GRK5: variants seen among roughly 807,000 people sequenced by gnomAD.
The protein encoded by GRK5 is g protein-coupled receptor kinase GRK5.
Under a neutral mutation model 78.4 loss-of-function variants are expected in GRK5, and 40 were observed. The ratio of observed to expected loss-of-function variants is 0.51; its 90% CI spans 0.40 to 0.66. GRK5 has a LOEUF of 0.66. GRK5 is among the 30% of genes least tolerant of loss of function. GRK5 has a pLI of 0.00. For missense variants in GRK5, 598 were observed against 759.9 expected (o/e 0.79, Z 2.50); for synonymous variants, 289 against 296.8 (o/e 0.97, Z 0.27).
At chr10:119,384,126 G>A (rs946610830) in intron 3 of GRK5, among the ~76,000 whole-genome samples, 16 of 152,090 alleles carry the variant, frequency 1.1e-4, no homozygotes, top group African/African-American at 3.6e-4. Flanking sequence ...TTTCTGACTT[G>A]CCAGGACAGT....
chr10:119,397,712 C>T (rs917162888), intron 4 of GRK5, among the ~76,000 whole-genome samples: 1 of 152,238 alleles, frequency 6.6e-6, no homozygotes. Flanking sequence ...TCCCCTCAAC[C>T]TCCTGCACCT....
rs781403821 is a variant in GRK5, at chr10:119,271,742, G to A, written c.53-54774G>A. ...GGTTGGTGACGAGGTTTAGCAGCAG[G>A]TGGACTCTGGAGCGTGACTCTGGAG... On this transcript the variant is annotated intron_variant, in intron 1 of 15. Transcript: ENST00000392870. The surrounding 1 kb of genome is among the most constrained non-coding windows in gnomAD (Gnocchi z 4.1). 4.6e-5 allele frequency among the ~76,000 whole-genome samples: 7 copies of A among 152,232 alleles called. No individual in the cohort carries two copies. Among genetic ancestry groups the A allele is most frequent in the Non-Finnish European group, 7.3e-5 (5 of 68,046 alleles).
chr10:119,428,703 T>C (rs550239988), intron 6 of GRK5, among the ~76,000 whole-genome samples: 5 of 152,284 alleles, frequency 3.3e-5, no homozygotes, highest in African/African-American at 1.2e-4. Context: ...ATGGAGAAAT[T>C]ATCCTTTTTA....
chr10:119,389,761 T>A (rs1056666800), intron 3 of GRK5, among the ~76,000 whole-genome samples: 1 of 151,704 alleles, frequency 6.6e-6, no homozygotes, highest in African/African-American at 2.4e-5. Context: ...CCATGTTTCC[T>A]ACACTGGAAC....
At chr10:119,358,890 C>A (rs1226861450) in intron 2 of GRK5, among the ~76,000 whole-genome samples, 4 of 152,142 alleles carry the variant, frequency 2.6e-5, no homozygotes, top group Non-Finnish European at 5.9e-5. Context: ...CCTGTTATGT[C>A]CTTGCCCGGC....
chr10:119,368,916 C>A (rs1024003162), intron 2 of GRK5, among the ~76,000 whole-genome samples: 1 of 152,208 alleles, frequency 6.6e-6, no homozygotes, highest in African/African-American at 2.4e-5. Flanking sequence ...TCACTTCTGG[C>A]AGAGCATCAG....
chr10:119,328,409 G>A lies in GRK5; in HGVS notation c.148+1798G>A, dbSNP rs183031160. Among the ~76,000 whole-genome samples the A allele has an allele frequency of 2.0e-5, 3 of 152,286 alleles. No homozygotes were observed. The East Asian group carries it at 5.8e-4, about 29-fold the overall frequency. ...TGTTCTTCATGCTAATTTTGGCTCA[G>A]AGAGAATAGGGCCTGTTGTGGGACT... On this transcript the variant is annotated intron_variant, in intron 2 of 15. Coordinates refer to ENST00000392870, the MANE Select transcript of GRK5 (RefSeq NM_005308.3).
At position 119,240,434 on chromosome 10, in the gene GRK5, A is replaced by C. The variant is rs574431890; in HGVS notation, c.52+32465A>C. Among the ~76,000 whole-genome samples, 10 of 151,792 alleles carry C rather than the reference A, an allele frequency of 6.6e-5. No homozygotes were observed. In the South Asian group the frequency reaches 1.2e-3, roughly 19 times the overall value. ...GCCAGGATGGTCTCGACCTCCTGAC[A>C]TCATGATCTGCCCGCCTCAGCCTCC... On this transcript the variant is annotated intron_variant, in intron 1 of 15. Transcript: ENST00000392870.
chr10:119,254,783 G>A (rs972861814), intron 1 of GRK5, among the ~76,000 whole-genome samples: 1 of 152,124 alleles, frequency 6.6e-6, no homozygotes, highest in Non-Finnish European at 1.5e-5. Flanking sequence ...GGCCGGGCAC[G>A]GTGGCTCACG....
At chr10:119,234,316 G>A (rs992034570) in intron 1 of GRK5, among the ~76,000 whole-genome samples, 10 of 152,162 alleles carry the variant, frequency 6.6e-5, no homozygotes, top group Admixed American at 4.6e-4. Flanking sequence ...TAACCACCAC[G>A]TTCCTCACGT....
rs567097720 is a variant in GRK5, at chr10:119,393,045, C to T, written c.262-3650C>T. On this transcript the variant is annotated intron_variant, in intron 3 of 15. Coordinates refer to ENST00000392870, the MANE Select transcript of GRK5 (RefSeq NM_005308.3). Reference sequence around the variant, plus strand: ...TGTGGAGTGTGATCTGCCTTGAGCTCGGCCCATCCAGGGGAGCCACCATGG... The same window carrying T: ...TGTGGAGTGTGATCTGCCTTGAGCTTGGCCCATCCAGGGGAGCCACCATGG... Among the ~76,000 whole-genome samples the T allele has an allele frequency of 7.9e-5, 12 of 152,334 alleles. No individual in the cohort carries two copies. In the South Asian group the frequency reaches 1.0e-3, roughly 13 times the overall value.
intron 1 of GRK5, among the ~76,000 whole-genome samples, chr10:119,281,130 G>A (rs1197962923): frequency 7.3e-6 from 1 of 136,278 alleles, no homozygotes; most frequent in East Asian, 1.9e-4. Flanking sequence ...TTGCTTTCAG[G>A]ACTTTTCTCA....
chr10:119,211,112 C>G (rs1413572328), intron 1 of GRK5, among the ~76,000 whole-genome samples: 1 of 152,102 alleles, frequency 6.6e-6, no homozygotes, highest in African/African-American at 2.4e-5. Flanking sequence ...GGTATGGGTT[C>G]AAGATTTTGA....
At chr10:119,256,347 T>C (rs1171719441) in intron 1 of GRK5, among the ~76,000 whole-genome samples, 1 of 152,180 alleles carries the variant, frequency 6.6e-6, no homozygotes, top group Non-Finnish European at 1.5e-5. Flanking sequence ...GGTGGGAGTC[T>C]GGAGTCCTGG....
chr10:119,303,992 G>A lies in GRK5; in HGVS notation c.53-22524G>A, dbSNP rs549159283. Among the ~76,000 whole-genome samples the A allele has an allele frequency of 1.9e-4, 29 of 152,278 alleles. 1 individual carries two copies. Among genetic ancestry groups the A allele is most frequent in the African/African-American group, 3.1e-4 (13 of 41,542 alleles). ...AGCGCCAGGGTGGTGCTGGCCCTGCGTCTTCAGGATCATCTGGGGAGGGCT... is the reference window on the plus strand; with the variant it reads ...AGCGCCAGGGTGGTGCTGGCCCTGCATCTTCAGGATCATCTGGGGAGGGCT... On this transcript the variant is annotated intron_variant, in intron 1 of 15. Transcript: ENST00000392870.
At chr10:119,400,651 C>T (rs1852134997) in intron 4 of GRK5, among the ~76,000 whole-genome samples, 1 of 152,098 alleles carries the variant, frequency 6.6e-6, no homozygotes, top group African/African-American at 2.4e-5. Flanking sequence ...GCTGTAGGCC[C>T]TGGGAAGCCA....
intron 3 of GRK5, among the ~76,000 whole-genome samples, chr10:119,390,807 C>T (rs898123243): frequency 1.3e-4 from 20 of 152,188 alleles, no homozygotes; most frequent in African/African-American, 4.6e-4. Flanking sequence ...CCACCGGGTC[C>T]TTCCCACAAC....
At chr10:119,332,385 G>A (rs972367814) in intron 2 of GRK5, among the ~76,000 whole-genome samples, 1 of 152,184 alleles carries the variant, frequency 6.6e-6, no homozygotes, top group Non-Finnish European at 1.5e-5. Flanking sequence ...GGGATTACAG[G>A]CGTGAGCCAC....
rs1019842461 is a variant in GRK5 at position 119,452,329 on chromosome 10, C to A, written c.1405-342C>A. On this transcript the variant is annotated intron_variant, in intron 13 of 15. Coordinates refer to ENST00000392870, the MANE Select transcript of GRK5 (RefSeq NM_005308.3). This position sits in a 1 kb window ranked among gnomAD's most constrained non-coding sequence, Gnocchi z 4.4. ...GTAAGGGAGTGATGGCAGGAATGAG[C>A]CCTGGGCTGGGCACCCAGGTGCCCC... 2.7e-5 allele frequency: 8 copies of A among 300,068 alleles called. No individual in the cohort carries two copies. Among genetic ancestry groups the A allele is most frequent in the African/African-American group, 1.5e-4 (7 of 46,886 alleles). 18.6% of individuals were successfully genotyped at this position (300,068 alleles called of 1,614,324 possible). A position where few individuals can be genotyped will look rare whatever the true frequency, so the allele number is the denominator to read the frequency against.
Sources: gnomAD v4.1 joint callset for allele counts (sites outside exome capture counted in the v4.1 genomes callset) on GRCh38, gnomAD v4.1.1 for gene constraint, Gnocchi (gnomAD v3.1) non-coding constraint, MANE v1.5 for transcripts, NCBI Gene and HGNC (gene_info 2026-07-23, HGNC 2026-07-21) for gene names.